The following ZC3H12B variants were observed in gnomAD, a reference collection of about 807,000 sequenced individuals.
ZC3H12B encodes probable ribonuclease ZC3H12B.
A neutral mutation model predicts 43.9 loss-of-function variants in ZC3H12B; 7 were observed. The observed-to-expected ratio is 0.16, with a 90% CI of 0.09 to 0.30. The LOEUF is 0.30. Among genes scored for constraint, ZC3H12B ranks in the 10% least tolerant of loss-of-function variants. The probability of loss-of-function intolerance (pLI) is 1.00; values close to 1 mark genes in which losing one functional copy is unlikely to be tolerated. For missense variants in ZC3H12B, 475 were observed against 670.2 expected, an observed-to-expected ratio of 0.71 and a Z score of 3.22; for synonymous variants, 222 against 241.7, an observed-to-expected ratio of 0.92 and a Z score of 0.76.
chrX:65,151,104 T>G, the ZC3H12B span, among the ~76,000 whole-genome samples: 1 of 112,316 alleles, frequency 8.9e-6, no homozygotes, highest in Admixed American at 9.5e-5. Context: ...GAAATTTAAG[T>G]TATGCAGTTA....
chrX:65,273,855 A>G, the ZC3H12B span, among the ~76,000 whole-genome samples: 1 of 112,534 alleles, frequency 8.9e-6, no homozygotes. Flanking sequence ...CCAAAACTAA[A>G]CTTCAGAAAT....
chrX:65,082,042 TAAG>T, the ZC3H12B span, among the ~76,000 whole-genome samples: 1 of 111,798 alleles, frequency 8.9e-6, no homozygotes, highest in Non-Finnish European at 1.9e-5. Flanking sequence ...ATGAAGAAAT[TAAG>T]AAGGAAATTG....
chrX:65,311,324 T>G, the ZC3H12B span, among the ~76,000 whole-genome samples: 19 of 111,618 alleles, frequency 1.7e-4, no homozygotes, highest in African/African-American at 5.5e-4. Context: ...CATCAAAAAG[T>G]GGGCAAAGGA....
the ZC3H12B span, among the ~76,000 whole-genome samples, chrX:65,175,403 T>C: frequency 2.7e-5 from 3 of 112,449 alleles, no homozygotes; most frequent in South Asian, 1.1e-3. Context: ...ATGAAATTTA[T>C]TTGTAAACAT....
At chrX:65,447,972 C>T (rs1481140756) in intron 3 of ZC3H12B, among the ~76,000 whole-genome samples, 2 of 111,558 alleles carry the variant, frequency 1.8e-5, no homozygotes, top group African/African-American at 3.3e-5. Flanking sequence ...GTGGCTCACA[C>T]CTGTAATCCC....
chrX:65,461,744 C>G (rs749783016), intron 3 of ZC3H12B, among the ~76,000 whole-genome samples: 186 of 110,915 alleles, frequency 1.7e-3, no homozygotes, highest in African/African-American at 5.7e-3. Context: ...GGAGATATAC[C>G]TAATGTTAAG....
the ZC3H12B span, among the ~76,000 whole-genome samples, chrX:65,267,908 G>C: frequency 1.8e-5 from 2 of 111,449 alleles, no homozygotes; most frequent in Non-Finnish European, 3.8e-5. Flanking sequence ...CAGAAGGAAG[G>C]AAATAATAAA....
At chrX:65,169,161 G>T in the ZC3H12B span, among the ~76,000 whole-genome samples, 3 of 111,456 alleles carry the variant, frequency 2.7e-5, no homozygotes, top group South Asian at 3.7e-4. Flanking sequence ...GCTTTCTCTC[G>T]TGGTCATTTA....
At chrX:65,211,413 A>G in the ZC3H12B span, among the ~76,000 whole-genome samples, 2 of 108,558 alleles carry the variant, frequency 1.8e-5, no homozygotes, top group African/African-American at 3.3e-5. Context: ...AATAGTTGCC[A>G]TTTACTGAAC....
chrX:65,353,016 T>TTG, the ZC3H12B span, among the ~76,000 whole-genome samples: 2,383 of 105,071 alleles, frequency 0.023, 60 homozygotes, highest in African/African-American at 0.068. Flanking sequence ...CCCAGCTAAT[T>TTG]TGTGTGTGTG....
the ZC3H12B span, among the ~76,000 whole-genome samples, chrX:65,328,770 T>C: frequency 1.1e-5 from 1 of 93,388 alleles, no homozygotes; most frequent in Non-Finnish European, 2.1e-5. Context: ...CATTGTACAA[T>C]TCCCACATAT....
the ZC3H12B span, among the ~76,000 whole-genome samples, chrX:65,086,693 G>T: frequency 8.9e-6 from 1 of 112,211 alleles, no homozygotes; most frequent in East Asian, 2.8e-4. Flanking sequence ...GCCAGGAAGT[G>T]GCCATCATCA....
the ZC3H12B span, among the ~76,000 whole-genome samples, chrX:65,262,955 T>C: frequency 9.0e-6 from 1 of 110,818 alleles, no homozygotes; most frequent in Admixed American, 9.6e-5. Context: ...CTACATAGTT[T>C]GTAAAATATT....
chrX:65,103,455 G>A, the ZC3H12B span, among the ~76,000 whole-genome samples: 3 of 111,462 alleles, frequency 2.7e-5, no homozygotes, highest in Non-Finnish European at 5.7e-5. Flanking sequence ...CAAACAATTT[G>A]TGCAGTTAAC....
the ZC3H12B span, among the ~76,000 whole-genome samples, chrX:65,274,052 A>G: frequency 8.9e-6 from 1 of 111,960 alleles, no homozygotes; most frequent in African/African-American, 3.2e-5. Flanking sequence ...GGAGGGCAGA[A>G]TGGCATCACC....
At chrX:65,463,943 T>C (rs1044153437) in intron 3 of ZC3H12B, among the ~76,000 whole-genome samples, 5 of 111,866 alleles carry the variant, frequency 4.5e-5, no homozygotes, top group Admixed American at 9.5e-5. Context: ...ACAAGTTATT[T>C]GGTGCTGCCA....
the ZC3H12B span, among the ~76,000 whole-genome samples, chrX:65,262,222 T>C: frequency 9.0e-6 from 1 of 111,427 alleles, no homozygotes; most frequent in Non-Finnish European, 1.9e-5. Context: ...GTTTTTCAAG[T>C]CATTCATTTG....
the ZC3H12B span, among the ~76,000 whole-genome samples, chrX:65,145,187 A>G: frequency 9.4e-6 from 1 of 106,806 alleles, no homozygotes; most frequent in Non-Finnish European, 1.9e-5. Flanking sequence ...GGATTGTGGT[A>G]TTTTCCTGTT....
chrX:65,181,762 G>T, the ZC3H12B span, among the ~76,000 whole-genome samples: 2 of 111,953 alleles, frequency 1.8e-5, no homozygotes, highest in African/African-American at 6.5e-5. Context: ...ACAGATGCTG[G>T]AGAGGATGTG....
Sources: allele counts gnomAD v4.1 joint callset (sites outside exome capture counted in the v4.1 genomes callset), GRCh38; gene constraint gnomAD v4.1.1; transcripts MANE v1.5; gene names NCBI Gene and HGNC (gene_info 2026-07-23, HGNC 2026-07-21).